The following BCAS1 variants were observed in gnomAD, a reference collection of about 807,000 sequenced individuals.
The protein encoded by BCAS1 is brain enriched myelin associated protein 1.
BCAS1 carries 46 observed loss-of-function variants against 65.4 expected under a neutral mutation model. The observed-to-expected ratio is 0.70, with a 90% confidence interval of 0.55 to 0.90. BCAS1 has a LOEUF of 0.90. Ranked by LOEUF, BCAS1 falls within the 40% of genes least tolerant of loss-of-function variation. The probability of loss-of-function intolerance (pLI) is 0.00; values close to 1 mark genes in which losing one functional copy is unlikely to be tolerated. For synonymous variants in BCAS1, 298 were observed against 293.5 expected (o/e 1.02, Z -0.16); for missense variants, 793 against 771.2 (o/e 1.03, Z -0.33).
At chr20:53,996,123 C>T (rs1600816867) in intron 4 of BCAS1, 73 bp from the exon 5 acceptor site, 3 of 1,465,626 alleles carry the variant, frequency 2.0e-6, no homozygotes, top group Non-Finnish European at 2.7e-6. Flanking sequence ...TTGCTTCACA[C>T]CCCTTTCTCT....
intron 3 of BCAS1, among the ~76,000 whole-genome samples, chr20:54,044,871 G>A (rs1019732062): frequency 2.7e-5 from 4 of 150,860 alleles, no homozygotes; most frequent in African/African-American, 9.7e-5. Flanking sequence ...TTTTCTAAGT[G>A]TATTCCAAAT....
chr20:54,021,883 C>T (rs2091566830), intron 4 of BCAS1, among the ~76,000 whole-genome samples: 1 of 152,028 alleles, frequency 6.6e-6, no homozygotes, highest in Admixed American at 6.5e-5. Flanking sequence ...CCTGCACATC[C>T]TGCATTTGTA....
At chr20:53,959,533 C>A (rs1171560993) in intron 10 of BCAS1, among the ~76,000 whole-genome samples, 1 of 152,132 alleles carries the variant, frequency 6.6e-6, no homozygotes, top group African/African-American at 2.4e-5. Context: ...GGATTACAGG[C>A]GTGAGCCACT....
At chr20:54,067,077 T>A (rs976901639) in intron 1 of BCAS1, among the ~76,000 whole-genome samples, 1 of 152,204 alleles carries the variant, frequency 6.6e-6, no homozygotes, top group African/African-American at 2.4e-5. Context: ...TATGGTACAA[T>A]CTAAAGTGAG....
chr20:54,058,111 G>A lies in BCAS1; in HGVS notation c.116C>T (p.Thr39Ile), dbSNP rs1406883795. Residue 39 changes from threonine to isoleucine, a missense_variant, in exon 3 of 13, where the codon ACC becomes ATC. Transcript: ENST00000688948. Reference sequence around the variant, plus strand: ...TTCCTCTAAGTGCTGAACTGTGTGGGTCGACACCACCACTGGAACCCCGTT... The same window carrying A: ...TTCCTCTAAGTGCTGAACTGTGTGGATCGACACCACCACTGGAACCCCGTT... ...ALNGVPVVVS[T>I]HTVQHLEEVD... is the part of the protein sequence containing the mutation. The A allele has an allele frequency of 6.2e-7, 1 of 1,613,646 alleles. No homozygotes were observed. Among genetic ancestry groups the A allele is most frequent in the Non-Finnish European group, 8.5e-7 (1 of 1,179,966 alleles).
intron 1 of BCAS1, among the ~76,000 whole-genome samples, chr20:54,061,953 T>C (rs1274837082): frequency 6.6e-6 from 1 of 152,198 alleles, no homozygotes. Flanking sequence ...GAGTTTTAAA[T>C]TTATAAATGG....
chr20:54,014,911 T>A (rs1257245062), intron 4 of BCAS1, among the ~76,000 whole-genome samples: 2 of 152,182 alleles, frequency 1.3e-5, no homozygotes, highest in Non-Finnish European at 2.9e-5. Flanking sequence ...AAAATAGGGT[T>A]TGGTTAATTT....
At chr20:54,059,026 C>CTGGGG (rs2092343332) in intron 1 of BCAS1, among the ~76,000 whole-genome samples, 2 of 152,130 alleles carry the variant, frequency 1.3e-5, no homozygotes, top group African/African-American at 4.8e-5. Context: ...TGAGTGCGAG[C>CTGGGG]TGGGGAAATG....
chr20:53,989,483 C>CA (rs2090700532), intron 7 of BCAS1, among the ~76,000 whole-genome samples: 1 of 152,114 alleles, frequency 6.6e-6, no homozygotes, highest in South Asian at 2.1e-4. Flanking sequence ...TAGCTTCTGG[C>CA]ACAAAATAGA....
intron 3 of BCAS1, among the ~76,000 whole-genome samples, chr20:54,041,638 C>T (rs1166713794): frequency 6.6e-6 from 1 of 152,034 alleles, no homozygotes; most frequent in Non-Finnish European, 1.5e-5. Context: ...AATCCTAGCA[C>T]TTTGGGAGGC....
chr20:53,967,044 T>C lies in BCAS1; in HGVS notation c.1347A>G (p.Ile449Met), dbSNP rs774296596. The part of the protein sequence containing the change: ...NVVCESPVEI[I>M]KSKEVESALQ... ...AGGCTGATTCTACTTCCTTGGACTTTATAATCTCTACTGGTGACTCACACA... is the reference window on the plus strand; with the variant it reads ...AGGCTGATTCTACTTCCTTGGACTTCATAATCTCTACTGGTGACTCACACA... Residue 449 changes from isoleucine to methionine, a missense_variant, in exon 10 of 13, where the codon ATA (isoleucine) becomes ATG (methionine). By Grantham distance (10) the Ile-to-Met change is conservative. Coordinates refer to ENST00000688948, the MANE Select transcript of BCAS1 (RefSeq NM_001366298.2). 1.2e-6 allele frequency: 2 copies of C among 1,611,462 alleles called. No individual in the cohort carries two copies. Among genetic ancestry groups the C allele is most frequent in the South Asian group, 2.2e-5 (2 of 90,256 alleles).
chr20:53,994,860 T>C, intron 6 of BCAS1, 152 bp downstream of exon 6: 1 of 551,652 alleles, frequency 1.8e-6, no homozygotes, highest in South Asian at 3.7e-5. Flanking sequence ...AACAGCACTA[T>C]TAAATTGCTA....
chr20:54,003,422 C>T (rs894122781), intron 4 of BCAS1, among the ~76,000 whole-genome samples: 4 of 152,118 alleles, frequency 2.6e-5, no homozygotes, highest in Admixed American at 2.0e-4. Context: ...GGAATCAAGT[C>T]TCCCTCTCCC....
chr20:53,949,860 G>C (rs1324007326), intron 12 of BCAS1, among the ~76,000 whole-genome samples: 1 of 152,192 alleles, frequency 6.6e-6, no homozygotes, highest in East Asian at 1.9e-4. Context: ...GGTCTGTAAA[G>C]GAGTGTGGTC....
intron 8 of BCAS1, among the ~76,000 whole-genome samples, chr20:53,978,048 C>T (rs1444056882): frequency 9.5e-5 from 11 of 116,038 alleles, no homozygotes; most frequent in South Asian, 6.4e-4. Flanking sequence ...CCTCCCCCCA[C>T]CCCACAACAG....
At chr20:54,005,335 G>C (rs372119185) in intron 4 of BCAS1, among the ~76,000 whole-genome samples, 4 of 40,982 alleles carry the variant, frequency 9.8e-5, no homozygotes, top group South Asian at 1.0e-3. Context: ...AAACAAAACA[G>C]AAATTAGCCA....
intron 4 of BCAS1, among the ~76,000 whole-genome samples, chr20:53,999,388 C>G (rs2091001363): frequency 6.6e-6 from 1 of 152,192 alleles, no homozygotes; most frequent in Non-Finnish European, 1.5e-5. Context: ...GATGAGAAAA[C>G]TGAGGCCCAA....
chr20:54,040,716 C>T (rs569081262), intron 3 of BCAS1, among the ~76,000 whole-genome samples: 4 of 151,106 alleles, frequency 2.6e-5, no homozygotes, highest in Admixed American at 6.6e-5. Flanking sequence ...GTGAAAAAAT[C>T]GGAATGCTCA....
At chr20:54,066,124 G>C (rs1298380025) in intron 1 of BCAS1, among the ~76,000 whole-genome samples, 1 of 150,404 alleles carries the variant, frequency 6.6e-6, no homozygotes, top group Non-Finnish European at 1.5e-5. Flanking sequence ...CCAGGCTGGA[G>C]TGCAGTGGCG....
Sources: allele counts gnomAD v4.1 joint callset (sites outside exome capture counted in the v4.1 genomes callset), GRCh38; gene constraint gnomAD v4.1.1; transcripts MANE v1.5; gene names NCBI Gene and HGNC (gene_info 2026-07-23, HGNC 2026-07-21).